Variants in ANKHD1 observed in about 807,000 individuals in gnomAD.
ANKHD1 encodes the protein ankyrin repeat and KH domain containing 1, also known as ankyrin repeat and KH domain-containing protein 1.
In ANKHD1, 31 loss-of-function variants were observed where a neutral mutation model predicts 230.5. That is an observed-to-expected ratio of 0.13 (90% confidence interval 0.10 to 0.18). ANKHD1 has a LOEUF of 0.18. Among genes scored for constraint, ANKHD1 ranks in the 10% least tolerant of loss-of-function variants. The pLI is 1.00. For missense variants in ANKHD1, 2,256 were observed against 3,071.3 expected (o/e 0.73, Z 6.27); for synonymous variants, 1,074 against 1,117.6 (o/e 0.96, Z 0.78).
chr5:140,526,253 G>A lies in ANKHD1; in HGVS notation c.4750G>A (p.Gly1584Ser), dbSNP rs1753602582. 6.2e-7 allele frequency: 1 copy of A among 1,614,220 alleles called. No individual in the cohort carries two copies. Among genetic ancestry groups the A allele is most frequent in the Non-Finnish European group, 8.5e-7 (1 of 1,180,044 alleles). The change falls in exon 26 of 34, where the codon GGT (glycine) becomes AGT (serine). Residue 1584 changes from glycine (G) to serine (S), a missense_variant. Transcript: ENST00000360839. ...AAATAAAATAAATGGAGAACCTAGA[G>A]GTGGTGGTGCAGGTGGGAATAGTGA... ...DKNKINGEPR[G>S]GGAGGNSDSD...
At chr5:140,420,967 GT>G (rs1771926486) in intron 1 of ANKHD1, among the ~76,000 whole-genome samples, 1 of 152,118 alleles carries the variant, frequency 6.6e-6, no homozygotes, top group South Asian at 2.1e-4. Flanking sequence ...TGAAATTTCT[GT>G]ACCTTTCTAT....
intron 24 of ANKHD1, among the ~76,000 whole-genome samples, chr5:140,523,852 C>T (rs150664063): frequency 6.6e-5 from 10 of 152,098 alleles, no homozygotes; most frequent in African/African-American, 1.7e-4. Context: ...TGAGCCACCA[C>T]GCCCAGCTGA....
In ANKHD1 at chr5:140,487,051, G is replaced by A. The variant is rs1424318695; in HGVS notation, c.2236G>A (p.Val746Met). The change falls in exon 14 of 34, where the codon GTG (valine) becomes ATG (methionine). Residue 746 changes from valine to methionine, a missense_variant. This residue lies in a region of ANKHD1 where 358 missense variants were observed against 397.7 expected (regional missense o/e 0.90). Coordinates refer to ENST00000360839, the MANE Select transcript of ANKHD1 (RefSeq NM_017747.3). ...GGAGAACTCTCCTGCCCTTTTAGGA[G>A]TGCAAAAAGGTTAGTTATTGAATTA... ...SQENSPALLG[V>M]QKGTSKQKSS... 4.4e-6 allele frequency: 7 copies of A among 1,608,412 alleles called. 1 individual carries two copies. In the South Asian group the frequency reaches 4.4e-5, roughly 10 times the overall value.
intron 1 of ANKHD1, among the ~76,000 whole-genome samples, chr5:140,410,286 G>A (rs990123156): frequency 6.6e-6 from 1 of 152,036 alleles, no homozygotes; most frequent in Non-Finnish European, 1.5e-5. Context: ...AATTTGAGAA[G>A]GATTTAGACT....
At chr5:140,407,795 G>T (rs1338977046) in intron 1 of ANKHD1, among the ~76,000 whole-genome samples, 2 of 152,092 alleles carry the variant, frequency 1.3e-5, no homozygotes, top group Non-Finnish European at 2.9e-5. Context: ...TGTGAGACAT[G>T]GTTTTCAATT....
In ANKHD1 at chr5:140,539,540, TG is replaced by T. The variant is rs1347731501; in HGVS notation, c.*123del. 2 of 1,096,278 alleles carry T rather than the reference TG, an allele frequency of 1.8e-6. No homozygotes were observed. Among genetic ancestry groups the T allele is most frequent in the East Asian group, 4.8e-5 (2 of 41,362 alleles). The allele number at this position is 1,096,278 out of a possible 1,614,324, so 67.9% of individuals were successfully genotyped here. On this transcript the variant is annotated 3_prime_UTR_variant, in exon 34 of 34. Coordinates refer to ENST00000360839, the MANE Select transcript of ANKHD1 (RefSeq NM_017747.3). ...GAGGCTTTAGCAATGGAAATTTGAT[TG>T]CCCATTGTATAAGAACAAATTGATT...
intron 22 of ANKHD1, among the ~76,000 whole-genome samples, chr5:140,511,138 G>A (rs1261999658): frequency 6.6e-6 from 1 of 152,060 alleles, no homozygotes; most frequent in African/African-American, 2.4e-5. Context: ...TAAAGTTCAT[G>A]CCCGGCCTCT....
intron 15 of ANKHD1, among the ~76,000 whole-genome samples, chr5:140,500,864 A>C (rs1752269383): frequency 6.6e-6 from 1 of 151,868 alleles, no homozygotes; most frequent in Non-Finnish European, 1.5e-5. Context: ...TTTTTATATT[A>C]AGATTTGATG....
rs1386010197 is a variant in ANKHD1, at chr5:140,529,400, A to G, written c.6454A>G (p.Ile2152Val). Residue 2152 changes from isoleucine (I) to valine (V), a missense_variant, in exon 29 of 34, where the codon ATT (isoleucine) becomes GTT (valine). Ile to Val is a conservative substitution (Grantham distance 29). Transcript: ENST00000360839. ...TTACTCCATGGTACCAAATGCAACTATTCACCAGGATCCCCAGTCTATTTT... is the reference window on the plus strand; with the variant it reads ...TTACTCCATGGTACCAAATGCAACTGTTCACCAGGATCCCCAGTCTATTTT... ...SFYSMVPNAT[I>V]HQDPQSIFVT... 6.2e-7 allele frequency: 1 copy of G among 1,614,076 alleles called. No homozygotes were observed. Among genetic ancestry groups the G allele is most frequent in the Non-Finnish European group, 8.5e-7 (1 of 1,180,036 alleles).
chr5:140,498,591 A>G (rs1752138809), intron 15 of ANKHD1, among the ~76,000 whole-genome samples: 1 of 152,350 alleles, frequency 6.6e-6, no homozygotes, highest in Admixed American at 6.5e-5. Flanking sequence ...GGTAGACACA[A>G]ATTAACTTTG....
At chr5:140,522,706 C>G (rs1423669602) in intron 24 of ANKHD1, among the ~76,000 whole-genome samples, 4 of 152,108 alleles carry the variant, frequency 2.6e-5, no homozygotes, top group Non-Finnish European at 5.9e-5. Context: ...AAATCATATG[C>G]TAGTTCTGTG....
chr5:140,444,230 AC>A (rs1774100498), intron 5 of ANKHD1, among the ~76,000 whole-genome samples: 1 of 151,932 alleles, frequency 6.6e-6, no homozygotes, highest in African/African-American at 2.4e-5. Flanking sequence ...CTCAAACCCC[AC>A]AGATACCCCT....
intron 24 of ANKHD1, among the ~76,000 whole-genome samples, chr5:140,522,267 C>A (rs760186261): frequency 1.3e-5 from 2 of 152,186 alleles, no homozygotes; most frequent in Non-Finnish European, 2.9e-5. Flanking sequence ...TTTCAAAATT[C>A]ATCCATGTTA....
At chr5:140,530,263 G>A (rs557127749) in intron 29 of ANKHD1, among the ~76,000 whole-genome samples, 1 of 151,898 alleles carries the variant, frequency 6.6e-6, no homozygotes, top group African/African-American at 2.4e-5. Flanking sequence ...CCAGGCTGGA[G>A]TGCAGTGGCC....
chr5:140,509,289 A>C (rs1157055415), intron 20 of ANKHD1, among the ~76,000 whole-genome samples: 4 of 152,224 alleles, frequency 2.6e-5, no homozygotes, highest in Non-Finnish European at 5.9e-5. Flanking sequence ...TATGCAAAAA[A>C]TTTATAAAGT....
At chr5:140,515,734 T>C (rs1398550419) in intron 24 of ANKHD1, among the ~76,000 whole-genome samples, 1 of 152,022 alleles carries the variant, frequency 6.6e-6, no homozygotes, top group East Asian at 1.9e-4. Context: ...CAGCTGAGGG[T>C]CCTGTCTGTT....
intron 15 of ANKHD1, 191 bp from the exon 16 acceptor site, chr5:140,504,630 A>G: frequency 1.4e-6 from 1 of 740,048 alleles, no homozygotes; most frequent in South Asian, 2.4e-5. Context: ...AGAGAAGTTA[A>G]ATTACTTGCC....
chr5:140,433,053 T>TTC, intron 1 of ANKHD1, among the ~76,000 whole-genome samples: 1 of 139,880 alleles, frequency 7.1e-6, no homozygotes, highest in Non-Finnish European at 1.5e-5. Flanking sequence ...CCCCACCCCC[T>TTC]TCCCCCCCCC....
In ANKHD1 at chr5:140,496,378, C is replaced by G. The variant is rs1020392739; in HGVS notation, c.2246-142C>G. The G allele has an allele frequency of 3.6e-5, 30 of 836,012 alleles. No homozygotes were observed. The African/African-American group carries it at 5.2e-4, about 14-fold the overall frequency. 51.8% of individuals were successfully genotyped at this position (836,012 alleles called of 1,614,324 possible). ...ACTGGTGTGACTCTGAACATTCATTCTATAACATTAGTTATAAGGGTTTTG... is the reference window on the plus strand; with the variant it reads ...ACTGGTGTGACTCTGAACATTCATTGTATAACATTAGTTATAAGGGTTTTG... On this transcript the variant is annotated intron_variant, in intron 14 of 33. Coordinates refer to ENST00000360839, the MANE Select transcript of ANKHD1 (RefSeq NM_017747.3).
Sources: allele counts gnomAD v4.1 joint callset (sites outside exome capture counted in the v4.1 genomes callset), GRCh38; gene constraint gnomAD v4.1.1; regional missense constraint gnomAD v4.1.1; transcripts MANE v1.5; gene names NCBI Gene and HGNC (gene_info 2026-07-23, HGNC 2026-07-21).